PLPPR1: variants seen among roughly 807,000 people sequenced by gnomAD.
PLPPR1 encodes phospholipid phosphatase related 1.
In PLPPR1, 10 loss-of-function variants were observed where a neutral mutation model predicts 33.1. The ratio of observed to expected loss-of-function variants is 0.30; its 90% confidence interval spans 0.19 to 0.51. The LOEUF (loss-of-function observed/expected upper bound fraction) is 0.51. PLPPR1 is among the 20% of genes least tolerant of loss of function. The pLI is 0.97. For synonymous variants in PLPPR1, 151 were observed against 151.0 expected (o/e 1.00, Z 0.00); for missense variants, 304 against 408.1 (o/e 0.74, Z 2.20).
rs1828918427 is a variant in PLPPR1 at position 101,309,504 on chromosome 9, A to G, written c.636+43A>G. On this transcript the variant is annotated intron_variant, in intron 5 of 7. Coordinates refer to ENST00000374874, the MANE Select transcript of PLPPR1 (RefSeq NM_207299.2). The stretch of plus-strand genomic sequence containing the variant: ...GTCTCTCCTAAGTCCAGTTTTTGAT[A>G]GGATGTGTGTCTCCCTGCCCTGTCT... The G allele has an allele frequency of 1.9e-6, 3 of 1,597,038 alleles. No homozygotes were observed. The East Asian group carries it at 6.7e-5, about 36-fold the overall frequency.
chr9:101,284,335 T>C (rs1345917471), intron 3 of PLPPR1, among the ~76,000 whole-genome samples: 1 of 152,136 alleles, frequency 6.6e-6, no homozygotes, highest in Non-Finnish European at 1.5e-5. Context: ...TTATGTTAAG[T>C]GAAATAATCC....
chr9:101,243,541 T>G (rs1827522402), intron 2 of PLPPR1, among the ~76,000 whole-genome samples: 1 of 152,044 alleles, frequency 6.6e-6, no homozygotes, highest in Non-Finnish European at 1.5e-5. Context: ...TTTTCTGTCT[T>G]GAGTAACTGT....
intron 4 of PLPPR1, among the ~76,000 whole-genome samples, chr9:101,291,885 T>G (rs1277011840): frequency 6.6e-6 from 1 of 152,004 alleles, no homozygotes. Flanking sequence ...GCAGAGCACC[T>G]CTCCTCCTCC....
At chr9:101,077,355 C>T (rs1157410529) in intron 1 of PLPPR1, among the ~76,000 whole-genome samples, 12 of 152,306 alleles carry the variant, frequency 7.9e-5, no homozygotes, top group Non-Finnish European at 1.0e-4. Context: ...TTTCTCCAGC[C>T]GACTGGCTTA....
Position 101,115,285 on chromosome 9 carries a change from T to C in PLPPR1, c.-45-70165T>C, listed in dbSNP as rs1038264681. On this transcript the variant is annotated intron_variant, in intron 1 of 7. Transcript: ENST00000374874. Reference sequence around the variant, plus strand: ...CCTAAGCATTTACATGTATCCGTGCTCCCAGGCTGATTCACACAAAGCATC... The same window carrying C: ...CCTAAGCATTTACATGTATCCGTGCCCCCAGGCTGATTCACACAAAGCATC... Among the ~76,000 whole-genome samples the C allele has an allele frequency of 3.9e-5, 6 of 152,326 alleles. No individual in the cohort carries two copies. In the East Asian group the frequency reaches 5.8e-4, roughly 15 times the overall value.
At chr9:101,125,445 A>G (rs1055611933) in intron 1 of PLPPR1, 20 of 231,098 alleles carry the variant, frequency 8.7e-5, no homozygotes, top group Non-Finnish European at 1.6e-4. Flanking sequence ...TTTCCTGGAA[A>G]CCTTTTTTAT....
chr9:101,278,363 C>T (rs1828234681), intron 3 of PLPPR1, among the ~76,000 whole-genome samples: 1 of 152,098 alleles, frequency 6.6e-6, no homozygotes, highest in South Asian at 2.1e-4. Context: ...AGTAATCATA[C>T]CCCCTCCAAC....
intron 1 of PLPPR1, among the ~76,000 whole-genome samples, chr9:101,081,285 G>A (rs1024076389): frequency 5.9e-5 from 9 of 151,972 alleles, no homozygotes; most frequent in African/African-American, 1.9e-4. Context: ...GTGCGATCTC[G>A]CCTCACTGCA....
chr9:101,182,245 G>T (rs1826127349), intron 1 of PLPPR1, among the ~76,000 whole-genome samples: 1 of 151,538 alleles, frequency 6.6e-6, no homozygotes. Context: ...TGGAAGAGGG[G>T]GATGGATGGA....
At chr9:101,259,888 C>T (rs1002357454) in intron 2 of PLPPR1, among the ~76,000 whole-genome samples, 15 of 152,082 alleles carry the variant, frequency 9.9e-5, no homozygotes, top group Non-Finnish European at 1.6e-4. Context: ...TTATCTCAGT[C>T]AGCAGGGGGA....
At chr9:101,060,868 A>C (rs1220513554) in intron 1 of PLPPR1, among the ~76,000 whole-genome samples, 31 of 151,934 alleles carry the variant, frequency 2.0e-4, no homozygotes, top group Admixed American at 2.0e-3. Context: ...AAAGTACAAA[A>C]ATGTTTTATC....
chr9:101,274,964 T>C (rs1293904403), intron 3 of PLPPR1, among the ~76,000 whole-genome samples: 1 of 152,214 alleles, frequency 6.6e-6, no homozygotes, highest in African/African-American at 2.4e-5. Flanking sequence ...AAAATGAACA[T>C]TCTCATCAGA....
chr9:101,165,134 A>T (rs764371253), intron 1 of PLPPR1, among the ~76,000 whole-genome samples: 1 of 152,180 alleles, frequency 6.6e-6, no homozygotes, highest in Non-Finnish European at 1.5e-5. Flanking sequence ...ATCAGGATTG[A>T]AAGATAACAC....
At chr9:101,205,258 A>G (rs1373685869) in intron 2 of PLPPR1, among the ~76,000 whole-genome samples, 2 of 152,180 alleles carry the variant, frequency 1.3e-5, no homozygotes, top group Non-Finnish European at 2.9e-5. Context: ...CAAAGACCAG[A>G]TTCAGGAAAA....
At chr9:101,315,644 G>A (rs923217515) in intron 6 of PLPPR1, among the ~76,000 whole-genome samples, 3 of 152,138 alleles carry the variant, frequency 2.0e-5, no homozygotes, top group South Asian at 2.1e-4. Flanking sequence ...TGGCCTTTAC[G>A]TAAGACCCAG....
intron 1 of PLPPR1, among the ~76,000 whole-genome samples, chr9:101,124,540 A>G (rs1426822270): frequency 2.0e-5 from 3 of 152,174 alleles, no homozygotes; most frequent in Non-Finnish European, 2.9e-5. Context: ...TCACCTCCAT[A>G]TTAGTAAATC....
chr9:101,135,538 C>G (rs1258320079), intron 1 of PLPPR1, among the ~76,000 whole-genome samples: 3 of 152,188 alleles, frequency 2.0e-5, no homozygotes, highest in Non-Finnish European at 4.4e-5. Context: ...ACCTCAAGAT[C>G]AATGACACAT....
chr9:101,208,946 T>C (rs547244940), intron 2 of PLPPR1, among the ~76,000 whole-genome samples: 3 of 152,322 alleles, frequency 2.0e-5, no homozygotes, highest in Admixed American at 1.3e-4. Context: ...CTGTCATTTA[T>C]TGAGCACATG....
At position 101,176,673 on chromosome 9, in the gene PLPPR1, G is replaced by A. The variant is rs918982624; in HGVS notation, c.-45-8777G>A. On this transcript the variant is annotated intron_variant, in intron 1 of 7. Coordinates refer to ENST00000374874, the MANE Select transcript of PLPPR1 (RefSeq NM_207299.2). ...CCCATGTATAATAGGAGGCCAAGTG[G>A]AGAACCTAGACTTCACCTTCACATG... Among the ~76,000 whole-genome samples the A allele has an allele frequency of 5.3e-5, 8 of 152,270 alleles. No individual in the cohort carries two copies. In the East Asian group the frequency reaches 5.8e-4, roughly 11 times the overall value.
Sources: gnomAD v4.1 joint callset for allele counts (sites outside exome capture counted in the v4.1 genomes callset) on GRCh38, gnomAD v4.1.1 for gene constraint, MANE v1.5 for transcripts, NCBI Gene and HGNC (gene_info 2026-07-23, HGNC 2026-07-21) for gene names.